CNTNAP2: variants seen among roughly 807,000 people sequenced by gnomAD.
The protein encoded by CNTNAP2 is contactin associated protein 2, also known as contactin-associated protein-like 2.
Under a neutral mutation model 155.2 loss-of-function variants are expected in CNTNAP2, and 98 were observed. That is an observed-to-expected ratio of 0.63 (90% CI 0.54 to 0.75). The LOEUF (loss-of-function observed/expected upper bound fraction) is 0.75, where lower values mean the gene tolerates loss of function less well. Ranked by LOEUF, CNTNAP2 falls within the 30% of genes least tolerant of loss-of-function variation. The pLI, the probability that CNTNAP2 is intolerant of heterozygous loss-of-function variation, is 0.00. For synonymous variants in CNTNAP2, 651 were observed against 631.2 expected (o/e 1.03, Z -0.47); for missense variants, 1,727 against 1,688.1 (o/e 1.02, Z -0.40).
chr7:147,696,771 G>A (rs1042904968), intron 13 of CNTNAP2, among the ~76,000 whole-genome samples: 6 of 151,846 alleles, frequency 4.0e-5, no homozygotes, highest in South Asian at 2.1e-4. Context: ...GTTTTGCAGA[G>A]TGCAGAATTC....
chr7:146,831,798 AC>A (rs1271230355), intron 2 of CNTNAP2, among the ~76,000 whole-genome samples: 2 of 151,826 alleles, frequency 1.3e-5, no homozygotes, highest in Non-Finnish European at 2.9e-5. Flanking sequence ...ATTATTTGAA[AC>A]TGTTGTCTTT....
chr7:147,006,297 T>A (rs1410938802), intron 3 of CNTNAP2, among the ~76,000 whole-genome samples: 1 of 152,022 alleles, frequency 6.6e-6, no homozygotes, highest in African/African-American at 2.4e-5. Context: ...GTTATACAGA[T>A]TTATGTAGGT....
intron 15 of CNTNAP2, among the ~76,000 whole-genome samples, chr7:148,043,152 TCA>T (rs1191581110): frequency 6.6e-6 from 1 of 152,162 alleles, no homozygotes; most frequent in African/African-American, 2.4e-5. Flanking sequence ...TCCCAGTGAG[TCA>T]CAGTGTCACT....
intron 1 of CNTNAP2, among the ~76,000 whole-genome samples, chr7:146,139,150 A>T (rs1364491472): frequency 1.3e-5 from 2 of 152,058 alleles, no homozygotes; most frequent in East Asian, 1.9e-4. Flanking sequence ...GGGAGCTTTG[A>T]CCCACTTCTT....
chr7:146,656,736 C>G (rs1207491978), intron 1 of CNTNAP2, among the ~76,000 whole-genome samples: 1 of 152,158 alleles, frequency 6.6e-6, no homozygotes, highest in Non-Finnish European at 1.5e-5. Flanking sequence ...GAAAAATATT[C>G]TTGAAATATT....
intron 13 of CNTNAP2, among the ~76,000 whole-genome samples, chr7:147,863,757 G>T (rs1346664863): frequency 6.9e-6 from 1 of 144,048 alleles, no homozygotes; most frequent in African/African-American, 2.6e-5. Flanking sequence ...AATATCCTTT[G>T]CCCGCTTTTT....
At chr7:147,508,642 T>G (rs1798958239) in intron 11 of CNTNAP2, among the ~76,000 whole-genome samples, 1 of 152,138 alleles carries the variant, frequency 6.6e-6, no homozygotes, top group South Asian at 2.1e-4. Flanking sequence ...GCTCCCATAA[T>G]CCCTGCATGT....
At chr7:146,450,121 G>A (rs979129762) in intron 1 of CNTNAP2, among the ~76,000 whole-genome samples, 10 of 152,004 alleles carry the variant, frequency 6.6e-5, no homozygotes, top group African/African-American at 9.7e-5. Context: ...TTTCCAAGGA[G>A]ATAAAACAAC....
At chr7:148,333,495 T>C (rs868393330) in intron 21 of CNTNAP2, among the ~76,000 whole-genome samples, 4 of 152,044 alleles carry the variant, frequency 2.6e-5, no homozygotes, top group Admixed American at 6.6e-5. Context: ...TATGGAACAT[T>C]TTGGTTCTTT....
chr7:147,874,540 A>G (rs1799389887), intron 13 of CNTNAP2, among the ~76,000 whole-genome samples: 2 of 152,262 alleles, frequency 1.3e-5, no homozygotes, highest in African/African-American at 4.8e-5. Context: ...TGCACACAGC[A>G]GGGGGGCCCT....
Position 148,123,845 on chromosome 7 carries a change from A to G in CNTNAP2, c.2554+5557A>G, listed in dbSNP as rs139328595. Among the ~76,000 whole-genome samples the G allele has an allele frequency of 3.9e-5, 6 of 152,316 alleles. No individual in the cohort carries two copies. In the East Asian group the frequency reaches 1.2e-3, roughly 29 times the overall value. ...GGTACCCAGAAACCAAATGAAAAAGACATTTCAAAAAGGAAAAAAAGAGGG... is the reference window on the plus strand; with the variant it reads ...GGTACCCAGAAACCAAATGAAAAAGGCATTTCAAAAAGGAAAAAAAGAGGG... On this transcript the variant is annotated intron_variant, in intron 16 of 23. Transcript: ENST00000361727.
chr7:147,879,075 T>C (rs10252322), intron 13 of CNTNAP2, among the ~76,000 whole-genome samples: 6,018 of 152,298 alleles, frequency 0.04, 386 homozygotes, highest in African/African-American at 0.14. Flanking sequence ...ACGGTAATTT[T>C]GCAATCCTTA....
intron 1 of CNTNAP2, among the ~76,000 whole-genome samples, chr7:146,721,021 A>AG (rs1801286174): frequency 9.5e-6 from 1 of 104,934 alleles, no homozygotes; most frequent in African/African-American, 8.5e-5. Context: ...TACTCTATAT[A>AG]TTATATATAC....
At chr7:147,005,980 C>A (rs974442270) in intron 3 of CNTNAP2, among the ~76,000 whole-genome samples, 2 of 151,822 alleles carry the variant, frequency 1.3e-5, no homozygotes, top group African/African-American at 4.8e-5. Flanking sequence ...ATTTTAGATT[C>A]TTTTTCTTCT....
At chr7:146,398,174 C>T (rs936776511) in intron 1 of CNTNAP2, among the ~76,000 whole-genome samples, 1 of 140,170 alleles carries the variant, frequency 7.1e-6, no homozygotes, top group Non-Finnish European at 1.5e-5. Context: ...CACCTATACC[C>T]GGCCCCAAAC....
intron 15 of CNTNAP2, among the ~76,000 whole-genome samples, chr7:148,109,231 G>A (rs1340834493): frequency 6.6e-6 from 1 of 152,208 alleles, no homozygotes; most frequent in Non-Finnish European, 1.5e-5. Context: ...TATCTCCTGA[G>A]ATTCTTACCA....
chr7:148,277,745 G>A (rs752012571), intron 21 of CNTNAP2, among the ~76,000 whole-genome samples: 31 of 150,864 alleles, frequency 2.1e-4, no homozygotes, highest in Non-Finnish European at 4.0e-4. Flanking sequence ...CTCTCCTGCT[G>A]TATCTCCTCC....
Position 146,439,487 on chromosome 7 carries a change from T to G in CNTNAP2, c.97+322514T>G, listed in dbSNP as rs150575567. On this transcript the variant is annotated intron_variant, in intron 1 of 23. Coordinates refer to ENST00000361727, the MANE Select transcript of CNTNAP2 (RefSeq NM_014141.6). ...TCTTCTTTCCTCCTGGTATTATATA[T>G]GTTTATTTAGCCTTAATCATTACTT... Among the ~76,000 whole-genome samples, 1,479 of 151,594 alleles carry G rather than the reference T, an allele frequency of 9.8e-3. 21 individuals carry two copies. Among genetic ancestry groups the G allele is most frequent in the Middle Eastern group, 0.017 (5 of 294 alleles).
At chr7:147,834,709 T>C (rs1248392198) in intron 13 of CNTNAP2, among the ~76,000 whole-genome samples, 2 of 152,166 alleles carry the variant, frequency 1.3e-5, no homozygotes, top group Non-Finnish European at 2.9e-5. Flanking sequence ...ATAGAAAACC[T>C]AACATCACCA....
Sources: gnomAD v4.1 joint callset for allele counts (sites outside exome capture counted in the v4.1 genomes callset) on GRCh38, gnomAD v4.1.1 for gene constraint, MANE v1.5 for transcripts, NCBI Gene and HGNC (gene_info 2026-07-23, HGNC 2026-07-21) for gene names.